HS3ST1: variants seen among roughly 807,000 people sequenced by gnomAD.
The protein encoded by HS3ST1 is heparan sulfate-glucosamine 3-sulfotransferase 1, also known as heparan sulfate glucosamine 3-O-sulfotransferase 1.
HS3ST1 carries 8 observed loss-of-function variants against 20.7 expected under a neutral mutation model. The ratio of observed to expected loss-of-function variants is 0.39; its 90% CI spans 0.23 to 0.70. The LOEUF (loss-of-function observed/expected upper bound fraction) is 0.70, where lower values mean the gene tolerates loss of function less well. Ranked by LOEUF, HS3ST1 falls within the 30% of genes least tolerant of loss-of-function variation. HS3ST1 has a pLI of 0.46. For missense variants in HS3ST1, 436 were observed against 423.4 expected, an observed-to-expected ratio of 1.03 and a Z score of -0.26; for synonymous variants, 205 against 190.4, an observed-to-expected ratio of 1.08 and a Z score of -0.63.
chr4:11,434,003 A>C (rs989309495), upstream of HS3ST1, among the ~76,000 whole-genome samples: 2 of 152,236 alleles, frequency 1.3e-5, no homozygotes, highest in Non-Finnish European at 2.9e-5. Context: ...TCTGTCTTGG[A>C]GTCCTCACTG....
At position 11,426,649 on chromosome 4, in the gene HS3ST1, C is replaced by T. The variant is rs1422374606; in HGVS notation, c.-109+2050G>A. ...CAGTCTAGAAGCACAGCTTAATAAG[C>T]CTCACTAAGGAATCTTCATCTATGC... On this transcript the variant is annotated intron_variant, in intron 1 of 1. Transcript: ENST00000002596. Among the ~76,000 whole-genome samples, 3 of 152,184 alleles carry T rather than the reference C, an allele frequency of 2.0e-5. 1 individual carries two copies. Among genetic ancestry groups the T allele is most frequent in the Admixed American group, 1.3e-4 (2 of 15,286 alleles).
chr4:11,409,573 G>A (rs559105738), intron 1 of HS3ST1, among the ~76,000 whole-genome samples: 32 of 152,296 alleles, frequency 2.1e-4, no homozygotes, highest in African/African-American at 7.2e-4. Flanking sequence ...CAAGGAATGG[G>A]GTTTCATGAA....
At chr4:11,423,945 C>G (rs1718996933) in intron 1 of HS3ST1, among the ~76,000 whole-genome samples, 1 of 151,636 alleles carries the variant, frequency 6.6e-6, no homozygotes, top group African/African-American at 2.4e-5. Flanking sequence ...TTTGGTTTGG[C>G]CCACATGGTG....
chr4:11,416,353 G>A (rs1287837129), intron 1 of HS3ST1, among the ~76,000 whole-genome samples: 1 of 152,174 alleles, frequency 6.6e-6, no homozygotes, highest in Non-Finnish European at 1.5e-5. Flanking sequence ...AGGCACGAGA[G>A]GTGTGAAGGG....
At chr4:11,407,294 C>G (rs4697689) in intron 1 of HS3ST1, among the ~76,000 whole-genome samples, 55,356 of 152,016 alleles carry the variant, frequency 0.36, 10,836 homozygotes, top group African/African-American at 0.51. Flanking sequence ...GGATAAGTTA[C>G]AGTAATTGGC....
chr4:11,425,167 T>C (rs1719030188), intron 1 of HS3ST1, among the ~76,000 whole-genome samples: 1 of 152,208 alleles, frequency 6.6e-6, no homozygotes, highest in East Asian at 1.9e-4. Context: ...AATATACTTA[T>C]TGAATGTCTA....
At chr4:11,420,490 CAG>C (rs1718904618) in intron 1 of HS3ST1, among the ~76,000 whole-genome samples, 1 of 152,200 alleles carries the variant, frequency 6.6e-6, no homozygotes, top group African/African-American at 2.4e-5. Context: ...TCAGTGTACT[CAG>C]TGGAACGCTG....
intron 1 of HS3ST1, among the ~76,000 whole-genome samples, chr4:11,426,667 A>G (rs1244244104): frequency 6.6e-6 from 1 of 152,224 alleles, no homozygotes; most frequent in Non-Finnish European, 1.5e-5. Flanking sequence ...AGGAATCTTC[A>G]TCTATGCTGC....
In HS3ST1 at chr4:11,394,110, C is replaced by T. The variant is rs981670190; in HGVS notation, c.*4972G>A. 8.5e-5 allele frequency: 13 copies of T among 152,220 alleles called. No individual in the cohort carries two copies. Among genetic ancestry groups the T allele is most frequent in the Non-Finnish European group, 1.6e-4 (11 of 68,032 alleles). 9.4% of individuals were successfully genotyped at this position (152,220 alleles called of 1,614,324 possible). ...GTTTTTAACCACTAAGTAACATATG[C>T]ACTGGGTTTATAGTTTTTACCTACT... is the stretch of plus-strand genomic sequence containing the variant. On this transcript the variant is annotated 3_prime_UTR_variant, in exon 2 of 2. Transcript: ENST00000002596.
rs1214622202 is a variant in HS3ST1, at chr4:11,396,170, G to A, written c.*2912C>T. On this transcript the variant is annotated 3_prime_UTR_variant, in exon 2 of 2. Coordinates refer to ENST00000002596, the MANE Select transcript of HS3ST1 (RefSeq NM_005114.4). ...GTTGGGTAAGCCTCCAAGCACAGAA[G>A]GAGTAAAGCACCCTGTGCTCAGAGG... 1 of 152,192 alleles carries A rather than the reference G, an allele frequency of 6.6e-6. No homozygotes were observed. Among genetic ancestry groups the A allele is most frequent in the Non-Finnish European group, 1.5e-5 (1 of 68,044 alleles). 9.4% of individuals were successfully genotyped at this position (152,192 alleles called of 1,614,324 possible). A position where few individuals can be genotyped will look rare whatever the true frequency, so the allele number is the denominator to read the frequency against.
Position 11,399,107 on chromosome 4 carries a change from A to G in HS3ST1, c.899T>C (p.Val300Ala), listed in dbSNP as rs777968478. 26 of 1,613,030 alleles carry G rather than the reference A, an allele frequency of 1.6e-5. No homozygotes were observed. Among genetic ancestry groups the G allele is most frequent in the Non-Finnish European group, 2.1e-5 (25 of 1,179,102 alleles). The change falls in exon 2 of 2, where the codon GTT (valine) becomes GCT (alanine). Residue 300 changes from valine (V) to alanine (A), a missense_variant. By Grantham distance (64) the Val-to-Ala change is moderately conservative (BLOSUM62 0). Coordinates refer to ENST00000002596, the MANE Select transcript of HS3ST1 (RefSeq NM_005114.4). This position sits in a 1 kb window ranked among gnomAD's most constrained non-coding sequence, Gnocchi z 5.1. The stretch of plus-strand genomic sequence containing the variant: ...TCAGTGCCAGTCAAATGTTCTGCCA[A>G]CAAGCTCGAAGAACTTCTTATTTGG... The part of the protein sequence containing the change: ...HEPNKKFFEL[V>A]GRTFDWH
intron 1 of HS3ST1, among the ~76,000 whole-genome samples, chr4:11,411,888 G>T (rs550944406): frequency 6.6e-6 from 1 of 152,232 alleles, no homozygotes; most frequent in African/African-American, 2.4e-5. Flanking sequence ...ACCCATACTG[G>T]CTCCATAGGA....
At chr4:11,417,366 G>A (rs1718811971) in intron 1 of HS3ST1, among the ~76,000 whole-genome samples, 1 of 152,166 alleles carries the variant, frequency 6.6e-6, no homozygotes, top group Non-Finnish European at 1.5e-5. Context: ...TCAGATTAGA[G>A]ACAGATTTTG....
chr4:11,430,632 G>T (rs1038610415), upstream of HS3ST1, among the ~76,000 whole-genome samples: 2 of 152,134 alleles, frequency 1.3e-5, no homozygotes, highest in African/African-American at 2.4e-5. Context: ...TACCCATTGT[G>T]AGACACAAAG....
chr4:11,426,094 G>T (rs149172272), intron 1 of HS3ST1, among the ~76,000 whole-genome samples: 3 of 152,244 alleles, frequency 2.0e-5, no homozygotes, highest in Non-Finnish European at 4.4e-5. Context: ...TGGTGCCTGA[G>T]CACTGACCCA....
chr4:11,413,764 AGAGGCTC>A, intron 1 of HS3ST1, among the ~76,000 whole-genome samples: 1 of 151,138 alleles, frequency 6.6e-6, no homozygotes, highest in East Asian at 2.0e-4. Flanking sequence ...GGAAGAGCAC[AGAGGCTC>A]ATCGATAATG....
At chr4:11,400,196 A>G in intron 1 of HS3ST1, 83 bp from the exon 2 acceptor site, 1 of 1,196,046 alleles carries the variant, frequency 8.4e-7, no homozygotes, top group South Asian at 1.9e-5. Context: ...CTCTGTAGTG[A>G]GGCCTATATT....
At chr4:11,407,761 G>T (rs940474717) in intron 1 of HS3ST1, among the ~76,000 whole-genome samples, 1 of 152,216 alleles carries the variant, frequency 6.6e-6, no homozygotes, top group East Asian at 1.9e-4. Flanking sequence ...GCATATGCAC[G>T]CAAGTCACTT....
rs1718062261 is a variant in HS3ST1 at position 11,393,605 on chromosome 4, T to C, written c.*5477A>G. 1 of 152,136 alleles carries C rather than the reference T, an allele frequency of 6.6e-6. No individual in the cohort carries two copies. The highest frequency in any genetic ancestry group is 1.5e-5 in the Non-Finnish European group (1 of 68,036). 9.4% of individuals were successfully genotyped at this position (152,136 alleles called of 1,614,324 possible). ...GTAGCAGAAGAAATGAGTAAGGTAA[T>C]GTGGGAAAAGGATGAAGTTTCGGAA... On this transcript the variant is annotated 3_prime_UTR_variant, in exon 2 of 2. Transcript: ENST00000002596.
Sources: allele counts gnomAD v4.1 joint callset (sites outside exome capture counted in the v4.1 genomes callset), GRCh38; gene constraint gnomAD v4.1.1; non-coding constraint Gnocchi (gnomAD v3.1); transcripts MANE v1.5; gene names NCBI Gene and HGNC (gene_info 2026-07-23, HGNC 2026-07-21).